TNFRSF10B: variants seen among roughly 807,000 people sequenced by gnomAD.
The protein encoded by TNFRSF10B is TNF receptor superfamily member 10b, also known as tumor necrosis factor receptor superfamily member 10B.
In TNFRSF10B, 35 loss-of-function variants were observed where a neutral mutation model predicts 41.4. The observed-to-expected ratio is 0.85, with a 90% confidence interval of 0.65 to 1.12. The LOEUF (loss-of-function observed/expected upper bound fraction) is 1.12, where lower values mean the gene tolerates loss of function less well. TNFRSF10B is among the 50% of genes most tolerant of loss of function. The pLI, the probability that TNFRSF10B is intolerant of heterozygous loss-of-function variation, is 0.00. For synonymous variants in TNFRSF10B, 230 were observed against 215.5 expected, an observed-to-expected ratio of 1.07 and a Z score of -0.59; for missense variants, 584 against 552.7, an observed-to-expected ratio of 1.06 and a Z score of -0.57.
At chr8:23,068,710 G>A (rs951878115) in intron 1 of TNFRSF10B, 41 bp downstream of exon 1, 18 of 1,547,712 alleles carry the variant, frequency 1.2e-5, no homozygotes, top group East Asian at 4.8e-5. Flanking sequence ...CCAGGCGCCA[G>A]GCACGCTCTT....
chr8:23,025,780 T>C (rs779181850), intron 7 of TNFRSF10B, among the ~76,000 whole-genome samples: 36 of 152,136 alleles, frequency 2.4e-4, no homozygotes, highest in Non-Finnish European at 4.3e-4. Context: ...TGACCTGCTT[T>C]CAAAAAATGA....
intron 1 of TNFRSF10B, among the ~76,000 whole-genome samples, chr8:23,050,248 G>A (rs918148085): frequency 5.3e-5 from 8 of 152,100 alleles, no homozygotes; most frequent in African/African-American, 9.7e-5. Context: ...AGTCTGTTTT[G>A]CCGTAGTGCA....
chr8:23,055,973 A>G (rs1184178245), intron 1 of TNFRSF10B, among the ~76,000 whole-genome samples: 1 of 152,192 alleles, frequency 6.6e-6, no homozygotes, highest in African/African-American at 2.4e-5. Context: ...TCTGGCGATA[A>G]TTTCCAGGCC....
chr8:23,034,354 G>A (rs1811969348), intron 2 of TNFRSF10B, among the ~76,000 whole-genome samples: 1 of 152,182 alleles, frequency 6.6e-6, no homozygotes, highest in Admixed American at 6.5e-5. Flanking sequence ...TCCCTGACAT[G>A]TGAAGTGAAG....
chr8:23,058,548 C>T (rs180811668), intron 1 of TNFRSF10B, among the ~76,000 whole-genome samples: 2 of 151,628 alleles, frequency 1.3e-5, no homozygotes, highest in East Asian at 2.0e-4. Context: ...TGCCATGGCA[C>T]AATCTCGGCT....
Position 23,068,971 on chromosome 8 carries a change from A to G in TNFRSF10B, c.-77T>C, listed in dbSNP as rs1813091321. The stretch of plus-strand genomic sequence containing the variant: ...AAAGTAGATCGGGCATCGTCGGTGT[A>G]TTTTGTGGGCGCAGAGATTGCGGGG... On this transcript the variant is annotated 5_prime_UTR_variant, in exon 1 of 9. Transcript: ENST00000276431. 6.2e-7 allele frequency: 1 copy of G among 1,609,826 alleles called. No homozygotes were observed. Among genetic ancestry groups the G allele is most frequent in the African/African-American group, 1.3e-5 (1 of 74,782 alleles).
chr8:23,052,235 T>C (rs1014938925), intron 1 of TNFRSF10B, among the ~76,000 whole-genome samples: 2 of 151,992 alleles, frequency 1.3e-5, no homozygotes, highest in South Asian at 2.1e-4. Flanking sequence ...AATAAAAATA[T>C]ATCGTAGGAA....
At chr8:23,047,905 C>G (rs547917612) in intron 1 of TNFRSF10B, among the ~76,000 whole-genome samples, 1 of 152,342 alleles carries the variant, frequency 6.6e-6, no homozygotes, top group South Asian at 2.1e-4. Flanking sequence ...ATCTGCACTT[C>G]CATGTTCATT....
chr8:23,032,773 A>C (rs1180494127), intron 2 of TNFRSF10B, among the ~76,000 whole-genome samples: 1 of 152,248 alleles, frequency 6.6e-6, no homozygotes, highest in Admixed American at 6.5e-5. Context: ...TTCATTGACA[A>C]TGACATAAAA....
chr8:23,068,337 G>T (rs1033976061), intron 1 of TNFRSF10B: 1 of 230,094 alleles, frequency 4.3e-6, no homozygotes, highest in African/African-American at 2.4e-5. Flanking sequence ...AGGCGCAAAA[G>T]AAAAAGAAAT....
Position 23,068,990 on chromosome 8 carries a change from T to C in TNFRSF10B, c.-96A>G. On this transcript the variant is annotated 5_prime_UTR_variant, in exon 1 of 9. Transcript: ENST00000276431. The stretch of plus-strand genomic sequence containing the variant: ...CGGTGTATTTTGTGGGCGCAGAGAT[T>C]GCGGGGTTCTCCGGCCGCGTGCTGA... The C allele has an allele frequency of 6.3e-7, 1 of 1,593,708 alleles. No individual in the cohort carries two copies. The highest frequency in any genetic ancestry group is 8.6e-7 in the Non-Finnish European group (1 of 1,167,830).
chr8:23,041,359 A>G (rs1453066413), intron 2 of TNFRSF10B, among the ~76,000 whole-genome samples: 1 of 151,196 alleles, frequency 6.6e-6, no homozygotes, highest in Non-Finnish European at 1.5e-5. Context: ...GCCCGGCGTT[A>G]TATGGGAATT....
At chr8:23,041,734 G>C (rs759677722) in intron 2 of TNFRSF10B, among the ~76,000 whole-genome samples, 4 of 151,992 alleles carry the variant, frequency 2.6e-5, no homozygotes, top group East Asian at 1.9e-4. Context: ...TGCACATTTC[G>C]AGGAGTTTCC....
At chr8:23,046,615 T>TAAAA (rs147614589) in intron 1 of TNFRSF10B, among the ~76,000 whole-genome samples, 1 of 129,842 alleles carries the variant, frequency 7.7e-6, no homozygotes. Context: ...TATGCAACCA[T>TAAAA]AAAAAAAAAA....
chr8:23,042,515 T>C (rs549587115), intron 2 of TNFRSF10B, among the ~76,000 whole-genome samples: 2 of 152,194 alleles, frequency 1.3e-5, no homozygotes, highest in African/African-American at 4.8e-5. Context: ...GGACACCACA[T>C]AACATCCCAG....
chr8:23,048,201 G>A (rs1042365385), intron 1 of TNFRSF10B, among the ~76,000 whole-genome samples: 7 of 152,156 alleles, frequency 4.6e-5, no homozygotes, highest in African/African-American at 1.2e-4. Context: ...GGGAGGCCAA[G>A]GTAGGGTGTG....
intron 8 of TNFRSF10B, among the ~76,000 whole-genome samples, chr8:23,023,916 C>T (rs1019697676): frequency 6.6e-5 from 10 of 151,882 alleles, no homozygotes; most frequent in African/African-American, 9.7e-5. Context: ...CAGGGGCAGG[C>T]GGGGGCTACA....
intron 5 of TNFRSF10B, 89 bp downstream of exon 5, chr8:23,028,242 G>T: frequency 6.3e-7 from 1 of 1,581,500 alleles, no homozygotes; most frequent in Non-Finnish European, 8.7e-7. Context: ...TAGACTTGGG[G>T]CAGGGGCAGG....
rs184222585 is a variant in TNFRSF10B at position 23,021,329 on chromosome 8, A to G, written c.*1342T>C. 3.7e-5 allele frequency: 17 copies of G among 454,136 alleles called. No individual in the cohort carries two copies. Among genetic ancestry groups the G allele is most frequent in the African/African-American group, 1.6e-4 (8 of 50,132 alleles). The allele number at this position is 454,136 out of a possible 1,614,324, so 28.1% of individuals were successfully genotyped here. On this transcript the variant is annotated 3_prime_UTR_variant, in exon 9 of 9. Transcript: ENST00000276431. ...AGCGGCCAAGGTCCTCAAGTAGGCA[A>G]TCTGTACCCTAAAAGGCAGCTCATG...
Sources: gnomAD v4.1 joint callset for allele counts (sites outside exome capture counted in the v4.1 genomes callset) on GRCh38, gnomAD v4.1.1 for gene constraint, MANE v1.5 for transcripts, NCBI Gene and HGNC (gene_info 2026-07-23, HGNC 2026-07-21) for gene names.